The following RIPOR1 variants were observed in gnomAD, a reference collection of about 807,000 sequenced individuals.
RIPOR1 encodes the protein rho family-interacting cell polarization regulator 1.
A neutral mutation model predicts 116.5 loss-of-function variants in RIPOR1; 58 were observed. That is an observed-to-expected ratio of 0.50 (90% CI 0.40 to 0.62). The LOEUF is 0.62. Ranked by LOEUF, RIPOR1 falls within the 20% of genes least tolerant of loss-of-function variation. The probability of loss-of-function intolerance (pLI) is 0.00; values close to 1 mark genes in which losing one functional copy is unlikely to be tolerated. For synonymous variants in RIPOR1, 605 were observed against 650.0 expected, an observed-to-expected ratio of 0.93 and a Z score of 1.05; for missense variants, 1,372 against 1,586.2, an observed-to-expected ratio of 0.86 and a Z score of 2.29.
intron 1 of RIPOR1, among the ~76,000 whole-genome samples, chr16:67,536,431 C>T (rs761355672): frequency 6.6e-6 from 1 of 150,968 alleles, no homozygotes; most frequent in Non-Finnish European, 1.5e-5. Flanking sequence ...TTGGGAGACA[C>T]AGAAAAAAAA....
chr16:67,526,610 T>C (rs1463493875), upstream of RIPOR1, among the ~76,000 whole-genome samples: 1 of 152,268 alleles, frequency 6.6e-6, no homozygotes, highest in Non-Finnish European at 1.5e-5. Flanking sequence ...ACTCCCACTA[T>C]GAGCCAGGCA....
In RIPOR1 at chr16:67,537,480, C is replaced by T; in HGVS notation, c.-23-944C>T. The T allele has an allele frequency of 8.0e-7, 1 of 1,253,080 alleles. No individual in the cohort carries two copies. The highest frequency in any genetic ancestry group is 1.0e-6 in the Non-Finnish European group (1 of 997,806). 77.6% of individuals were successfully genotyped at this position (1,253,080 alleles called of 1,614,324 possible). ...AGGAGCCGAAGCCGAGCCAGAGCCG[C>T]TGGGAGCGAGCCCGGAGCCCAGCCG... On this transcript the variant is annotated intron_variant, in intron 1 of 21. Coordinates refer to ENST00000042381, the MANE Select transcript of RIPOR1 (RefSeq NM_024519.4). This position sits in a 1 kb window ranked among gnomAD's most constrained non-coding sequence, Gnocchi z 4.6.
rs2050642708 is a variant in RIPOR1, at chr16:67,530,812, A to G, written c.-24+1898A>G. Among the ~76,000 whole-genome samples, 1 of 152,146 alleles carries G rather than the reference A, an allele frequency of 6.6e-6. No homozygotes were observed. The highest frequency in any genetic ancestry group is 1.5e-5 in the Non-Finnish European group (1 of 68,002). On this transcript the variant is annotated intron_variant, in intron 1 of 21. Coordinates refer to ENST00000042381, the MANE Select transcript of RIPOR1 (RefSeq NM_024519.4). The surrounding 1 kb of genome is among the most constrained non-coding windows in gnomAD (Gnocchi z 4.5). ...CTGGGTTATTTCCCATCCTGGGAAC[A>G]GACTATAGGGCTGACATGAGCCCAG...
upstream of RIPOR1, among the ~76,000 whole-genome samples, chr16:67,526,897 G>A (rs1359336423): frequency 6.6e-6 from 1 of 152,210 alleles, no homozygotes; most frequent in Non-Finnish European, 1.5e-5. Flanking sequence ...TCAGGTGGAT[G>A]CCTGGGTAGA....
chr16:67,535,794 G>A (rs2050778826), intron 1 of RIPOR1, among the ~76,000 whole-genome samples: 1 of 152,210 alleles, frequency 6.6e-6, no homozygotes, highest in South Asian at 2.1e-4. Flanking sequence ...GGCTGGGGAT[G>A]GCTGAAGGGA....
At chr16:67,518,482 G>A (rs2050467039) in exon 1 of RIPOR1, 1 of 152,336 alleles carries the variant, frequency 6.6e-6, no homozygotes, top group South Asian at 2.1e-4. Flanking sequence ...TCAAGAGCCT[G>A]GGCTGGTGGC....
chr16:67,544,989 T>G lies in RIPOR1; in HGVS notation c.2903T>G (p.Leu968Arg). The G allele has an allele frequency of 6.2e-7, 1 of 1,613,330 alleles. No homozygotes were observed. The highest frequency in any genetic ancestry group is 2.2e-5 in the East Asian group (1 of 44,880). Residue 968 changes from leucine (L) to arginine (R), a missense_variant, in exon 17 of 22, where the codon CTG becomes CGG. Physicochemically the swap from Leu to Arg is moderately radical, Grantham distance 102 (BLOSUM62 -2). Coordinates refer to ENST00000042381, the MANE Select transcript of RIPOR1 (RefSeq NM_024519.4). The surrounding 1 kb of genome is among the most constrained non-coding windows in gnomAD (Gnocchi z 5.1). Reference protein sequence around the residue: ...VQFSASRPGFLTFWDQCTERL... With the variant: ...VQFSASRPGFRTFWDQCTERL... ...TTCTCGGCCTCTCGGCCTGGCTTCC[T>G]GACCTTCTGGGACCAGTGCACAGAG... is the stretch of plus-strand genomic sequence containing the variant.
chr16:67,537,548 A>G lies in RIPOR1; in HGVS notation c.-23-876A>G. ...AGGGCCGGAAGGTCCGCGGGGGGCGAGCGCGGGTCGGGGGCCGTCCCGGAC... is the reference window on the plus strand; with the variant it reads ...AGGGCCGGAAGGTCCGCGGGGGGCGGGCGCGGGTCGGGGGCCGTCCCGGAC... On this transcript the variant is annotated intron_variant, in intron 1 of 21. Transcript: ENST00000042381. This position sits in a 1 kb window ranked among gnomAD's most constrained non-coding sequence, Gnocchi z 4.6. The G allele has an allele frequency of 7.4e-7, 1 of 1,355,410 alleles. No individual in the cohort carries two copies. The allele number at this position is 1,355,410 out of a possible 1,614,324, so 84.0% of individuals were successfully genotyped here.
Position 67,540,236 on chromosome 16 carries a change from A to G in RIPOR1, c.567+31A>G. The G allele has an allele frequency of 6.2e-7, 1 of 1,613,880 alleles. No homozygotes were observed. Among genetic ancestry groups the G allele is most frequent in the Non-Finnish European group, 8.5e-7 (1 of 1,179,896 alleles). ...GGATGGGGGCCCATGAGGCAGAGGCACAGGGTGTGGCAGGGCTAGTGGCTG... is the reference window on the plus strand; with the variant it reads ...GGATGGGGGCCCATGAGGCAGAGGCGCAGGGTGTGGCAGGGCTAGTGGCTG... On this transcript the variant is annotated intron_variant, in intron 7 of 21. Transcript: ENST00000042381. This position sits in a 1 kb window ranked among gnomAD's most constrained non-coding sequence, Gnocchi z 4.7.
Position 67,541,261 on chromosome 16 carries a change from A to T in RIPOR1, c.802-169A>T. On this transcript the variant is annotated intron_variant, in intron 10 of 21. Coordinates refer to ENST00000042381, the MANE Select transcript of RIPOR1 (RefSeq NM_024519.4). This position sits in a 1 kb window ranked among gnomAD's most constrained non-coding sequence, Gnocchi z 4.6. Reference sequence around the variant, plus strand: ...TTTTTTTTTTTTTTTTTTGAGACAGAGTCTTGCCATGTTGCCCAAGCTGGT... The same window carrying T: ...TTTTTTTTTTTTTTTTTTGAGACAGTGTCTTGCCATGTTGCCCAAGCTGGT... 2.7e-5 allele frequency: 14 copies of T among 516,024 alleles called. No individual in the cohort carries two copies. The highest frequency in any genetic ancestry group is 4.3e-5 in the Non-Finnish European group (13 of 300,358). 32.0% of individuals were successfully genotyped at this position (516,024 alleles called of 1,614,324 possible).
rs1259222655 is a variant in RIPOR1, at chr16:67,545,271, G to A, written c.3032-105G>A. 4 of 1,528,352 alleles carry A rather than the reference G, an allele frequency of 2.6e-6. No individual in the cohort carries two copies. The highest frequency in any genetic ancestry group is 2.7e-6 in the Non-Finnish European group (3 of 1,128,864). The allele number at this position is 1,528,352 out of a possible 1,614,324, so 94.7% of individuals were successfully genotyped here. ...GAGCAGAAGGACCCAGATGGGTGGGGTTTGAACAGGGGGCCCCTGGACCTG... is the reference window on the plus strand; with the variant it reads ...GAGCAGAAGGACCCAGATGGGTGGGATTTGAACAGGGGGCCCCTGGACCTG... On this transcript the variant is annotated intron_variant, in intron 17 of 21. Transcript: ENST00000042381. This position sits in a 1 kb window ranked among gnomAD's most constrained non-coding sequence, Gnocchi z 4.8.
At position 67,545,012 on chromosome 16, in the gene RIPOR1, G is replaced by C. The variant is rs758815078; in HGVS notation, c.2926G>C (p.Glu976Gln). Reference protein sequence around the residue: ...GFLTFWDQCTERLSCFLCPVE... With the variant: ...GFLTFWDQCTQRLSCFLCPVE... ...CCTGACCTTCTGGGACCAGTGCACAGAGAGACTCAGCTGCTTCCTCTGCCC... is the reference window on the plus strand; with the variant it reads ...CCTGACCTTCTGGGACCAGTGCACACAGAGACTCAGCTGCTTCCTCTGCCC... Residue 976 changes from glutamate to glutamine, a missense_variant, in exon 17 of 22, where the codon GAG (glutamate) becomes CAG (glutamine). By Grantham distance (29) the Glu-to-Gln change is conservative. Coordinates refer to ENST00000042381, the MANE Select transcript of RIPOR1 (RefSeq NM_024519.4). The surrounding 1 kb of genome is among the most constrained non-coding windows in gnomAD (Gnocchi z 4.8). 3.1e-6 allele frequency: 5 copies of C among 1,613,520 alleles called. No homozygotes were observed. The highest frequency in any genetic ancestry group is 1.7e-5 in the Admixed American group (1 of 60,010).
Position 67,542,224 on chromosome 16 carries a change from C to G in RIPOR1, c.1438C>G (p.Pro480Ala). 1 of 1,613,554 alleles carries G rather than the reference C, an allele frequency of 6.2e-7. No homozygotes were observed. The highest frequency in any genetic ancestry group is 1.7e-5 in the Admixed American group (1 of 59,976). ...PESLAWGPSP[P>A]THPAPTHGEH... ...AAGCCTAGCCTGGGGACCTAGCCCA[C>G]CTACACACCCAGCTCCCACCCATGG... The change falls in exon 13 of 22, where the codon CCT becomes GCT. Residue 480 changes from proline to alanine, a missense_variant. Physicochemically the swap from Pro to Ala is conservative, Grantham distance 27. Coordinates refer to ENST00000042381, the MANE Select transcript of RIPOR1 (RefSeq NM_024519.4). The surrounding 1 kb of genome is among the most constrained non-coding windows in gnomAD (Gnocchi z 4.6).
At position 67,542,592 on chromosome 16, in the gene RIPOR1, C is replaced by T; in HGVS notation, c.1806C>T (p.Thr602=). The T allele has an allele frequency of 6.2e-7, 1 of 1,613,920 alleles. No homozygotes were observed. Among genetic ancestry groups the T allele is most frequent in the Non-Finnish European group, 8.5e-7 (1 of 1,179,944 alleles). The change falls in exon 13 of 22, where the codon ACC becomes ACT. Residue 602 remains threonine, a synonymous_variant. Transcript: ENST00000042381. This position sits in a 1 kb window ranked among gnomAD's most constrained non-coding sequence, Gnocchi z 4.6. ...IGPVQTTTSP[T]HTMPSPTHTT... ...CAGTCCAGACTACCACAAGCCCCAC[C>T]CACACTATGCCAAGCCCTACCCATA... is the stretch of plus-strand genomic sequence containing the variant.
At chr16:67,519,590 G>C (rs545017309) in intron 1 of RIPOR1, among the ~76,000 whole-genome samples, 2 of 152,320 alleles carry the variant, frequency 1.3e-5, no homozygotes, top group South Asian at 2.1e-4. Context: ...GCTGGAGGGT[G>C]TCAGGGAAGA....
chr16:67,524,228 C>A (rs1287099033), upstream of RIPOR1, among the ~76,000 whole-genome samples: 1 of 152,188 alleles, frequency 6.6e-6, no homozygotes, highest in African/African-American at 2.4e-5. Flanking sequence ...AGTGGTAAAG[C>A]CAGGACTTGA....
chr16:67,528,964 C>T (rs992970870), intron 1 of RIPOR1, 50 bp downstream of exon 1: 4 of 177,806 alleles, frequency 2.2e-5, no homozygotes, highest in East Asian at 1.9e-4. Flanking sequence ...GGGGAGCAGG[C>T]GCGGAGGTTC....
Position 67,543,509 on chromosome 16 carries a change from A to T in RIPOR1, c.2600+40A>T. 1 of 1,543,530 alleles carries T rather than the reference A, an allele frequency of 6.5e-7. No individual in the cohort carries two copies. Among genetic ancestry groups the T allele is most frequent in the Non-Finnish European group, 8.7e-7 (1 of 1,146,594 alleles). ...CAAGATGGGTGTGAGGCTAGGTGAGAGGGAAAAGGTGAGGCAGGACCAGGG... is the reference window on the plus strand; with the variant it reads ...CAAGATGGGTGTGAGGCTAGGTGAGTGGGAAAAGGTGAGGCAGGACCAGGG... On this transcript the variant is annotated intron_variant, in intron 14 of 21. Transcript: ENST00000042381. This position sits in a 1 kb window ranked among gnomAD's most constrained non-coding sequence, Gnocchi z 4.7.
chr16:67,541,905 A>G lies in RIPOR1; in HGVS notation c.1119A>G (p.Thr373=). 3 of 1,611,422 alleles carry G rather than the reference A, an allele frequency of 1.9e-6. No homozygotes were observed. The highest frequency in any genetic ancestry group is 1.7e-6 in the Non-Finnish European group (2 of 1,178,494). The change falls in exon 13 of 22, where the codon ACA becomes ACG. Residue 373 remains threonine, a synonymous_variant. Coordinates refer to ENST00000042381, the MANE Select transcript of RIPOR1 (RefSeq NM_024519.4). The surrounding 1 kb of genome is among the most constrained non-coding windows in gnomAD (Gnocchi z 4.6). ...GGCAGGAGGAGCTGGAGAATGGGAC[A>G]GCATGGTCCCTGTCATCTGAATCTT... ...LRRQEELENG[T]AWSLSSESSD...
Sources: gnomAD v4.1 joint callset for allele counts (sites outside exome capture counted in the v4.1 genomes callset) on GRCh38, gnomAD v4.1.1 for gene constraint, Gnocchi (gnomAD v3.1) non-coding constraint, MANE v1.5 for transcripts, NCBI Gene and HGNC (gene_info 2026-07-23, HGNC 2026-07-21) for gene names.